The following KBTBD12 variants were observed in gnomAD, a reference collection of about 807,000 sequenced individuals.
KBTBD12 encodes kelch repeat and BTB domain-containing protein 12.
In KBTBD12, 53 loss-of-function variants were observed where a neutral mutation model predicts 58.7. That is an observed-to-expected ratio of 0.90 (90% CI 0.72 to 1.14). KBTBD12 has a LOEUF of 1.14. Ranked by LOEUF, KBTBD12 falls within the 50% of genes most tolerant of loss-of-function variation. The pLI, the probability that KBTBD12 is intolerant of heterozygous loss-of-function variation, is 0.00. For synonymous variants in KBTBD12, 236 were observed against 259.8 expected (o/e 0.91, Z 0.88); for missense variants, 704 against 751.3 (o/e 0.94, Z 0.74).
chr3:127,966,072 G>A (rs981332995), intron 5 of KBTBD12, among the ~76,000 whole-genome samples: 1 of 152,204 alleles, frequency 6.6e-6, no homozygotes, highest in Non-Finnish European at 1.5e-5. Flanking sequence ...CTTTCACCCT[G>A]ACAAAGGCTG....
In KBTBD12 at chr3:127,987,113, G is replaced by C. The variant is rs996252905; in HGVS notation, c.*2835G>C. ...CCAGGAGGGCAGTGACCAGGAGCTG[G>C]CTTAGCACTGAAGGGAAGCAGGCAT... On this transcript the variant is annotated 3_prime_UTR_variant, in exon 6 of 6. Coordinates refer to ENST00000405109, the MANE Select transcript of KBTBD12 (RefSeq NM_207335.4). The C allele has an allele frequency of 6.6e-6, 1 of 152,280 alleles. No individual in the cohort carries two copies. Among genetic ancestry groups the C allele is most frequent in the Admixed American group, 6.5e-5 (1 of 15,280 alleles). 9.4% of individuals were successfully genotyped at this position (152,280 alleles called of 1,614,324 possible).
intron 2 of KBTBD12, 31 bp from the exon 3 acceptor site, chr3:127,927,733 T>C: frequency 7.0e-7 from 1 of 1,427,720 alleles, no homozygotes; most frequent in South Asian, 1.9e-5. Flanking sequence ...ATGTTACCTC[T>C]AATCCTGGAT....
intron 4 of KBTBD12, among the ~76,000 whole-genome samples, chr3:127,946,159 A>G (rs1048847049): frequency 1.1e-4 from 17 of 152,116 alleles, no homozygotes; most frequent in Non-Finnish European, 1.9e-4. Context: ...ATACCTTTAT[A>G]TTGTGGTTGT....
chr3:127,929,641 T>C (rs576789362), intron 3 of KBTBD12, among the ~76,000 whole-genome samples: 3 of 152,282 alleles, frequency 2.0e-5, no homozygotes, highest in African/African-American at 7.2e-5. Context: ...GCCATAATTA[T>C]GGTGTAAAAA....
chr3:127,935,485 G>T (rs1939808769), intron 4 of KBTBD12, among the ~76,000 whole-genome samples: 1 of 152,010 alleles, frequency 6.6e-6, no homozygotes, highest in Admixed American at 6.6e-5. Flanking sequence ...AAGAAGCCAG[G>T]CACAGTGGCA....
chr3:127,924,083 G>C lies in KBTBD12; in HGVS notation c.1022G>C (p.Ser341Thr), dbSNP rs760770158. ...NNTIIVAGEA[S>T]ASKLSRQKNK... ...ACTATAATTGTGGCTGGAGAAGCAA[G>C]TGCCTCTAAACTCTCTAGACAAAAG... is the stretch of plus-strand genomic sequence containing the variant. Residue 341 changes from serine (S) to threonine (T), a missense_variant, in exon 2 of 6, where the codon AGT becomes ACT. Transcript: ENST00000405109. 2 of 1,613,608 alleles carry C rather than the reference G, an allele frequency of 1.2e-6. No individual in the cohort carries two copies. Among genetic ancestry groups the C allele is most frequent in the South Asian group, 2.2e-5 (2 of 91,054 alleles).
intron 5 of KBTBD12, among the ~76,000 whole-genome samples, chr3:127,969,127 T>C (rs1280644707): frequency 6.6e-6 from 1 of 152,176 alleles, no homozygotes; most frequent in Non-Finnish European, 1.5e-5. Flanking sequence ...AGCATCCATA[T>C]TGGAAAGTAA....
chr3:127,964,082 A>G (rs1940510712), intron 5 of KBTBD12, among the ~76,000 whole-genome samples: 1 of 152,234 alleles, frequency 6.6e-6, no homozygotes, highest in African/African-American at 2.4e-5. Context: ...TAAACTATGC[A>G]TAAATCTAGT....
intron 4 of KBTBD12, among the ~76,000 whole-genome samples, chr3:127,934,671 C>T (rs1287663193): frequency 3.9e-5 from 6 of 151,990 alleles, no homozygotes; most frequent in Admixed American, 2.0e-4. Flanking sequence ...CAAGGTAAAA[C>T]GCCGTATCAT....
At chr3:127,976,577 T>C (rs1005698168) in intron 5 of KBTBD12, among the ~76,000 whole-genome samples, 3 of 152,242 alleles carry the variant, frequency 2.0e-5, no homozygotes, top group African/African-American at 4.8e-5. Context: ...TCTCTGCCCC[T>C]TGCTGGCAAA....
intron 4 of KBTBD12, among the ~76,000 whole-genome samples, chr3:127,953,968 C>T (rs1003417850): frequency 6.7e-6 from 1 of 150,128 alleles, no homozygotes; most frequent in Non-Finnish European, 1.5e-5. Flanking sequence ...GTATTTAAAA[C>T]CAGCCAGCTT....
chr3:127,984,414 G>A lies in KBTBD12; in HGVS notation c.*136G>A. ...TGTGTGTGAAGAAGCAGTGTGTGCTGGGCACTGGGTGGGGAGCATGGGGAG... is the reference window on the plus strand; with the variant it reads ...TGTGTGTGAAGAAGCAGTGTGTGCTAGGCACTGGGTGGGGAGCATGGGGAG... On this transcript the variant is annotated 3_prime_UTR_variant, in exon 6 of 6. Transcript: ENST00000405109. 4 of 804,128 alleles carry A rather than the reference G, an allele frequency of 5.0e-6. No homozygotes were observed. The highest frequency in any genetic ancestry group is 5.6e-5 in the Admixed American group (2 of 35,896). The allele number at this position is 804,128 out of a possible 1,614,324, so 49.8% of individuals were successfully genotyped here.
chr3:127,936,120 C>T lies in KBTBD12; in HGVS notation c.1492+5837C>T, dbSNP rs1446626993. On this transcript the variant is annotated intron_variant, in intron 4 of 5. Coordinates refer to ENST00000405109, the MANE Select transcript of KBTBD12 (RefSeq NM_207335.4). ...GTGGCTCATGCCTGTAATCTCAGCA[C>T]TTTGGGAGGCCGAGGTAGGCGGATC... 2.6e-5 allele frequency among the ~76,000 whole-genome samples: 4 copies of T among 152,108 alleles called. No individual in the cohort carries two copies. In the East Asian group the frequency reaches 7.7e-4, roughly 29 times the overall value.
chr3:127,959,868 G>A (rs779811544), intron 4 of KBTBD12, among the ~76,000 whole-genome samples: 14 of 152,228 alleles, frequency 9.2e-5, no homozygotes, highest in Non-Finnish European at 1.6e-4. Flanking sequence ...GCTAGTAAAT[G>A]GTGACACAGG....
At chr3:127,930,886 A>G (rs981223018) in intron 4 of KBTBD12, among the ~76,000 whole-genome samples, 6 of 152,096 alleles carry the variant, frequency 3.9e-5, no homozygotes, top group South Asian at 2.1e-4. Flanking sequence ...AACATCCCCT[A>G]TGTATCCCCT....
chr3:127,923,164 C>T lies in KBTBD12; in HGVS notation c.103C>T (p.Leu35Phe), dbSNP rs748687058. ...KELAEMIDVV[L>F]TAEGEKFPCH... is the part of the protein sequence containing the mutation. ...ATTAGCAGAAATGATTGATGTGGTA[C>T]TCACAGCAGAAGGAGAGAAATTTCC... The change falls in exon 2 of 6, where the codon CTC becomes TTC. Residue 35 changes from leucine to phenylalanine, a missense_variant. Coordinates refer to ENST00000405109, the MANE Select transcript of KBTBD12 (RefSeq NM_207335.4). The T allele has an allele frequency of 6.2e-7, 1 of 1,611,904 alleles. No homozygotes were observed. Among genetic ancestry groups the T allele is most frequent in the African/African-American group, 1.3e-5 (1 of 74,864 alleles).
At chr3:127,961,103 AAC>A (rs1312493300) in intron 4 of KBTBD12, among the ~76,000 whole-genome samples, 1 of 152,118 alleles carries the variant, frequency 6.6e-6, no homozygotes, top group South Asian at 2.1e-4. Context: ...CCAGCCTAGT[AAC>A]ATTTCTCCTG....
intron 2 of KBTBD12, among the ~76,000 whole-genome samples, chr3:127,926,110 G>C (rs1444049494): frequency 6.6e-6 from 1 of 152,008 alleles, no homozygotes; most frequent in Non-Finnish European, 1.5e-5. Context: ...AACAATGAAG[G>C]CCTTTGTCAC....
rs751056285 is a variant in KBTBD12, at chr3:127,924,111, C to T, written c.1050C>T (p.Asn350=). The stretch of plus-strand genomic sequence containing the variant: ...CCTCTAAACTCTCTAGACAAAAGAA[C>T]AAGAATGTTGAAATTTATAGGTTTG... ...ASASKLSRQK[N]KNVEIYRYHD... is the part of the protein sequence containing the mutation. Residue 350 remains asparagine, a synonymous_variant, in exon 2 of 6, where the codon AAC becomes AAT. Transcript: ENST00000405109. 1.2e-6 allele frequency: 2 copies of T among 1,607,024 alleles called. No individual in the cohort carries two copies. Among genetic ancestry groups the T allele is most frequent in the Non-Finnish European group, 1.7e-6 (2 of 1,175,866 alleles).
Sources: allele counts gnomAD v4.1 joint callset (sites outside exome capture counted in the v4.1 genomes callset), GRCh38; gene constraint gnomAD v4.1.1; transcripts MANE v1.5; gene names NCBI Gene and HGNC (gene_info 2026-07-23, HGNC 2026-07-21).